Variants in CLNK observed in about 807,000 individuals in gnomAD.
The protein encoded by CLNK is cytokine-dependent hematopoietic cell linker.
CLNK carries 74 observed loss-of-function variants against 68.6 expected under a neutral mutation model. The ratio of observed to expected loss-of-function variants is 1.08; its 90% CI spans 0.89 to 1.31. CLNK has a LOEUF of 1.31. Ranked by LOEUF, CLNK falls within the 50% of genes most tolerant of loss-of-function variation. CLNK has a pLI of 0.00. For missense variants in CLNK, 553 were observed against 515.3 expected, an observed-to-expected ratio of 1.07 and a Z score of -0.71; for synonymous variants, 198 against 172.2, an observed-to-expected ratio of 1.15 and a Z score of -1.17.
At chr4:10,658,734 A>C (rs2108887297) in intron 2 of CLNK, among the ~76,000 whole-genome samples, 1 of 152,298 alleles carries the variant, frequency 6.6e-6, no homozygotes, top group Middle Eastern at 3.4e-3. Context: ...AAGACTATGC[A>C]CGGACCCGAC....
chr4:10,500,396 G>A (rs1716989801), intron 18 of CLNK, among the ~76,000 whole-genome samples: 2 of 152,252 alleles, frequency 1.3e-5, no homozygotes, highest in South Asian at 2.1e-4. Context: ...ATAAGATACT[G>A]CTGGCTGGGC....
intron 11 of CLNK, among the ~76,000 whole-genome samples, chr4:10,537,434 C>T (rs961485517): frequency 1.3e-5 from 2 of 152,122 alleles, no homozygotes; most frequent in Admixed American, 6.5e-5. Flanking sequence ...GCTGAGATCA[C>T]ATCACTGCAC....
chr4:10,642,961 A>G (rs1723367261), intron 2 of CLNK, among the ~76,000 whole-genome samples: 1 of 152,198 alleles, frequency 6.6e-6, no homozygotes, highest in South Asian at 2.1e-4. Context: ...TTGATGGATG[A>G]CAGATGCATC....
intron 15 of CLNK, 63 bp from the exon 16 acceptor site, chr4:10,513,660 C>G: frequency 6.7e-7 from 1 of 1,496,568 alleles, no homozygotes. Flanking sequence ...TCCCCCACCT[C>G]CAGAAAGGAG....
chr4:10,620,280 AT>A (rs1425176059), intron 2 of CLNK, among the ~76,000 whole-genome samples: 1 of 152,104 alleles, frequency 6.6e-6, no homozygotes, highest in Non-Finnish European at 1.5e-5. Context: ...GAGATGCACC[AT>A]TTTACTAGGA....
At chr4:10,575,270 C>T (rs1720515565) in intron 4 of CLNK, among the ~76,000 whole-genome samples, 1 of 152,240 alleles carries the variant, frequency 6.6e-6, no homozygotes, top group African/African-American at 2.4e-5. Context: ...TCAGCTGCTT[C>T]AGCCAGCCTC....
the CLNK span, among the ~76,000 whole-genome samples, chr4:10,695,164 T>G: frequency 4.0e-5 from 6 of 151,736 alleles, no homozygotes; most frequent in Admixed American, 3.3e-4. Flanking sequence ...TCAAAATTGC[T>G]AACAGAATAC....
chr4:10,628,867 T>C (rs1722779732), intron 2 of CLNK, among the ~76,000 whole-genome samples: 1 of 152,200 alleles, frequency 6.6e-6, no homozygotes, highest in Non-Finnish European at 1.5e-5. Context: ...CTGCCCTTTG[T>C]CTGAGTTTTC....
intron 1 of CLNK, among the ~76,000 whole-genome samples, chr4:10,682,192 C>T (rs935496143): frequency 6.6e-6 from 1 of 151,876 alleles, no homozygotes; most frequent in Non-Finnish European, 1.5e-5. Flanking sequence ...TGATGCTTCT[C>T]AGTTTTATTG....
At chr4:10,694,894 A>C in the CLNK span, among the ~76,000 whole-genome samples, 1 of 152,180 alleles carries the variant, frequency 6.6e-6, no homozygotes, top group Admixed American at 6.5e-5. Flanking sequence ...TTCTTTTCTA[A>C]CCCTAAATAG....
At chr4:10,652,835 T>C (rs909588040) in intron 2 of CLNK, among the ~76,000 whole-genome samples, 4 of 152,120 alleles carry the variant, frequency 2.6e-5, no homozygotes, top group African/African-American at 7.2e-5. Context: ...CATGCACACA[T>C]GGAATATTGC....
intron 4 of CLNK, among the ~76,000 whole-genome samples, chr4:10,578,097 T>C (rs536329525): frequency 5.8e-4 from 89 of 152,324 alleles, no homozygotes; most frequent in African/African-American, 2.1e-3. Flanking sequence ...TGAGAAGTTT[T>C]GGTCCATGGA....
the CLNK span, among the ~76,000 whole-genome samples, chr4:10,692,312 C>T: frequency 6.6e-6 from 1 of 152,178 alleles, no homozygotes; most frequent in Non-Finnish European, 1.5e-5. Flanking sequence ...AGGCTCAGAT[C>T]TTTAACCCTC....
At chr4:10,512,450 C>T (rs1268666941) in intron 16 of CLNK, among the ~76,000 whole-genome samples, 2 of 151,970 alleles carry the variant, frequency 1.3e-5, no homozygotes, top group East Asian at 3.9e-4. Flanking sequence ...AAGCTGGTCT[C>T]GAACTCCTGA....
chr4:10,703,167 A>C, the CLNK span, among the ~76,000 whole-genome samples: 3 of 152,178 alleles, frequency 2.0e-5, no homozygotes, highest in Admixed American at 2.0e-4. Context: ...TAACAGTCTA[A>C]ATGTCTAATT....
intron 2 of CLNK, among the ~76,000 whole-genome samples, chr4:10,626,981 G>T (rs1286358624): frequency 1.3e-5 from 2 of 152,160 alleles, no homozygotes; most frequent in African/African-American, 2.4e-5. Context: ...TCTAGAATCT[G>T]GTTCTCATGA....
At chr4:10,605,261 T>C (rs572352523) in intron 2 of CLNK, among the ~76,000 whole-genome samples, 49 of 152,292 alleles carry the variant, frequency 3.2e-4, no homozygotes, top group Admixed American at 1.9e-3. Context: ...GATACATATG[T>C]ATATACAGTG....
intron 2 of CLNK, among the ~76,000 whole-genome samples, chr4:10,620,683 A>G (rs1722402736): frequency 6.6e-6 from 1 of 151,954 alleles, no homozygotes; most frequent in African/African-American, 2.4e-5. Context: ...CACCTGTTCT[A>G]TGGCTCCTAA....
chr4:10,643,606 A>G (rs1217909250), intron 2 of CLNK, among the ~76,000 whole-genome samples: 1 of 152,270 alleles, frequency 6.6e-6, no homozygotes, highest in Non-Finnish European at 1.5e-5. Flanking sequence ...GAGGATTGGT[A>G]CAGGGTGGAT....
Sources: allele counts gnomAD v4.1 joint callset (sites outside exome capture counted in the v4.1 genomes callset), GRCh38; gene constraint gnomAD v4.1.1; transcripts MANE v1.5; gene names NCBI Gene and HGNC (gene_info 2026-07-23, HGNC 2026-07-21).